TRIP4: variants seen among roughly 807,000 people sequenced by gnomAD.
TRIP4 encodes thyroid hormone receptor interactor 4.
Under a neutral mutation model 81.8 loss-of-function variants are expected in TRIP4, and 54 were observed. The ratio of observed to expected loss-of-function variants is 0.66; its 90% CI spans 0.53 to 0.83. TRIP4 has a LOEUF of 0.83. Among genes scored for constraint, TRIP4 ranks in the 40% least tolerant of loss-of-function variants. TRIP4 has a pLI of 0.00. For missense variants in TRIP4, 662 were observed against 683.6 expected (o/e 0.97, Z 0.35); for synonymous variants, 270 against 242.8 (o/e 1.11, Z -1.04).
intron 12 of TRIP4, among the ~76,000 whole-genome samples, chr15:64,446,594 G>A (rs1421750006): frequency 1.3e-5 from 2 of 150,942 alleles, no homozygotes; most frequent in East Asian, 4.1e-4. Context: ...AGTAGAGATG[G>A]GGTTTCACCA....
chr15:64,395,673 T>C, intron 3 of TRIP4, 142 bp downstream of exon 3: 1 of 904,570 alleles, frequency 1.1e-6, no homozygotes, highest in Non-Finnish European at 1.6e-6. Context: ...AAAAGTTACA[T>C]ATACTCCTTT....
intron 4 of TRIP4, among the ~76,000 whole-genome samples, chr15:64,399,282 A>G (rs1891431086): frequency 6.6e-6 from 1 of 151,808 alleles, no homozygotes; most frequent in Non-Finnish European, 1.5e-5. Flanking sequence ...TGCTCAGAAT[A>G]AGCTGATAGA....
rs1016116386 is a variant in TRIP4, at chr15:64,431,817, A to C, written c.1575+6186A>C. On this transcript the variant is annotated intron_variant, in intron 11 of 12. Transcript: ENST00000261884. Reference sequence around the variant, plus strand: ...ATTAAGTACCCACTTAAATGGTTTCAGAAACCATTTATATTATATATATAT... The same window carrying C: ...ATTAAGTACCCACTTAAATGGTTTCCGAAACCATTTATATTATATATATAT... 2.2e-5 allele frequency among the ~76,000 whole-genome samples: 3 copies of C among 136,748 alleles called. No individual in the cohort carries two copies. The Admixed American group carries it at 2.4e-4, about 11-fold the overall frequency. 89.7% of individuals were successfully genotyped at this position (136,748 alleles called of 152,430 possible).
At chr15:64,409,870 G>A in intron 7 of TRIP4, 42 bp downstream of exon 7, 1 of 1,567,850 alleles carries the variant, frequency 6.4e-7, no homozygotes, top group South Asian at 1.1e-5. Flanking sequence ...GAAGGAACAG[G>A]TTGACCATAA....
In TRIP4 at chr15:64,421,896, T is replaced by C. The variant is rs552682447; in HGVS notation, c.1359-2135T>C. 3.7e-4 allele frequency among the ~76,000 whole-genome samples: 57 copies of C among 152,060 alleles called. 1 individual carries two copies. The Middle Eastern group carries it at 0.01, about 27-fold the overall frequency. On this transcript the variant is annotated intron_variant, in intron 9 of 12. Transcript: ENST00000261884. Reference sequence around the variant, plus strand: ...CCATCTCTACTAAAAATAACAAAAATTAGCGGAGCATGGTGGTGCATGCCT... The same window carrying C: ...CCATCTCTACTAAAAATAACAAAAACTAGCGGAGCATGGTGGTGCATGCCT...
At chr15:64,413,926 G>A (rs1257025454) in intron 7 of TRIP4, among the ~76,000 whole-genome samples, 159 bp from the exon 8 acceptor site, 2 of 152,120 alleles carry the variant, frequency 1.3e-5, no homozygotes, top group Non-Finnish European at 2.9e-5. Context: ...TAGGGTTTTT[G>A]GTGTGAGAAG....
At chr15:64,390,272 G>A (rs1900084621) in intron 1 of TRIP4, among the ~76,000 whole-genome samples, 1 of 151,306 alleles carries the variant, frequency 6.6e-6, no homozygotes, top group Admixed American at 6.6e-5. Flanking sequence ...GACCAGCCTG[G>A]CCAACATGGC....
chr15:64,432,551 G>A (rs1472743253), intron 11 of TRIP4, among the ~76,000 whole-genome samples: 5 of 151,260 alleles, frequency 3.3e-5, no homozygotes, highest in East Asian at 2.0e-4. Flanking sequence ...CAGAGGTTAC[G>A]GTGAGCCGAG....
intron 8 of TRIP4, among the ~76,000 whole-genome samples, chr15:64,416,683 A>G (rs1316991289): frequency 6.6e-6 from 1 of 152,078 alleles, no homozygotes; most frequent in African/African-American, 2.4e-5. Flanking sequence ...TTATGTTTTG[A>G]ATAGTTATTT....
At chr15:64,417,204 G>T (rs1007861645) in intron 8 of TRIP4, among the ~76,000 whole-genome samples, 8 of 152,110 alleles carry the variant, frequency 5.3e-5, no homozygotes, top group Non-Finnish European at 1.0e-4. Context: ...TAGAGAAGGA[G>T]TTTCGCCTTG....
rs983007855 is a variant in TRIP4, at chr15:64,387,959, C to A, written c.96C>A (p.Ile32=). The part of the protein sequence containing the change: ...KTFGLDVSEE[I]IQYVLSIESA... ...TCGGCCTGGATGTCAGCGAGGAGAT[C>A]ATTCAGTGAGAACAGTTCGGGTCCA... Residue 32 remains isoleucine, a synonymous_variant, in exon 1 of 13, where the codon ATC becomes ATA. Coordinates refer to ENST00000261884, the MANE Select transcript of TRIP4 (RefSeq NM_016213.5). The A allele has an allele frequency of 6.5e-6, 10 of 1,550,290 alleles. No homozygotes were observed. Among genetic ancestry groups the A allele is most frequent in the Non-Finnish European group, 8.7e-6 (10 of 1,146,534 alleles).
intron 1 of TRIP4, among the ~76,000 whole-genome samples, chr15:64,390,501 A>G (rs1900093887): frequency 6.6e-6 from 1 of 151,650 alleles, no homozygotes; most frequent in African/African-American, 2.4e-5. Flanking sequence ...GCTATTTTTG[A>G]TAAATTAACA....
chr15:64,414,922 C>T (rs928857540), intron 8 of TRIP4, among the ~76,000 whole-genome samples: 5 of 151,794 alleles, frequency 3.3e-5, no homozygotes, highest in African/African-American at 1.2e-4. Context: ...GGCAAAACCC[C>T]GTCTCTACTA....
intron 1 of TRIP4, among the ~76,000 whole-genome samples, chr15:64,388,376 G>C (rs1900015535): frequency 1.3e-5 from 2 of 152,140 alleles, no homozygotes; most frequent in African/African-American, 4.8e-5. Context: ...GCGCGATCTT[G>C]GCTCACTGCA....
chr15:64,429,548 A>G (rs1271201992), intron 11 of TRIP4, among the ~76,000 whole-genome samples: 3 of 152,172 alleles, frequency 2.0e-5, no homozygotes, highest in Non-Finnish European at 4.4e-5. Context: ...TTAATATGCT[A>G]GTGTGGATTA....
chr15:64,449,342 G>A (rs925457285), intron 12 of TRIP4, among the ~76,000 whole-genome samples: 1 of 149,082 alleles, frequency 6.7e-6, no homozygotes, highest in East Asian at 2.0e-4. Context: ...TTACAGATTA[G>A]TTCTATGATA....
chr15:64,415,094 CAAAA>C (rs963919878), intron 8 of TRIP4, among the ~76,000 whole-genome samples: 1 of 112,684 alleles, frequency 8.9e-6, no homozygotes, highest in Non-Finnish European at 1.9e-5. Context: ...GACCCTGTCT[CAAAA>C]AAAAAAAAGC....
At chr15:64,405,727 G>T (rs149308234) in intron 5 of TRIP4, among the ~76,000 whole-genome samples, 9 of 152,216 alleles carry the variant, frequency 5.9e-5, no homozygotes, top group African/African-American at 2.2e-4. Context: ...TGGCATAGTG[G>T]ATCATGTCTG....
At chr15:64,417,560 T>A (rs1468857555) in intron 8 of TRIP4, among the ~76,000 whole-genome samples, 1 of 152,226 alleles carries the variant, frequency 6.6e-6, no homozygotes, top group African/African-American at 2.4e-5. Flanking sequence ...GGAAGAAACA[T>A]TAACCTTTGC....
Sources: allele counts gnomAD v4.1 joint callset (sites outside exome capture counted in the v4.1 genomes callset), GRCh38; gene constraint gnomAD v4.1.1; transcripts MANE v1.5; gene names NCBI Gene and HGNC (gene_info 2026-07-23, HGNC 2026-07-21).